The following TICRR variants were observed in gnomAD, a reference collection of about 807,000 sequenced individuals.
The protein encoded by TICRR is TOPBP1 interacting checkpoint and replication regulator, also known as treslin.
TICRR carries 132 observed loss-of-function variants against 178.1 expected under a neutral mutation model. The ratio of observed to expected loss-of-function variants is 0.74; its 90% CI spans 0.64 to 0.86. The LOEUF is 0.86. TICRR is among the 40% of genes least tolerant of loss of function. The pLI, the probability that TICRR is intolerant of heterozygous loss-of-function variation, is 0.00. For synonymous variants in TICRR, 991 were observed against 900.7 expected, an observed-to-expected ratio of 1.10 and a Z score of -1.79; for missense variants, 2,587 against 2,334.3, an observed-to-expected ratio of 1.11 and a Z score of -2.23.
At chr15:89,594,172 A>G (rs1962958074) in intron 5 of TICRR, among the ~76,000 whole-genome samples, 2 of 152,224 alleles carry the variant, frequency 1.3e-5, no homozygotes, top group Admixed American at 1.3e-4. Context: ...TATTAATAAA[A>G]GTCAATATTA....
Position 89,621,460 on chromosome 15 carries a change from T to G in TICRR, c.3222T>G (p.Ser1074=). 6.2e-7 allele frequency: 1 copy of G among 1,614,136 alleles called. No homozygotes were observed. Among genetic ancestry groups the G allele is most frequent in the Non-Finnish European group, 8.5e-7 (1 of 1,179,990 alleles). Residue 1074 remains serine, a synonymous_variant, in exon 19 of 22, where the codon TCT becomes TCG. Transcript: ENST00000268138. ...AGAGTCTTCTTTTTGGGGCAATGTC[T>G]GAGATGATCAGCCCCTCAGAAAAGG... ...SPKSLLFGAM[S]EMISPSEKGS... is the part of the protein sequence containing the mutation.
rs201761582 is a variant in TICRR at position 89,621,495 on chromosome 15, G to T, written c.3257G>T (p.Arg1086Leu). The change falls in exon 19 of 22, where the codon CGA (arginine) becomes CTA (leucine). Residue 1086 changes from arginine (R) to leucine (L), a missense_variant. Physicochemically the swap from Arg to Leu is moderately radical, Grantham distance 102 (BLOSUM62 -2). Coordinates refer to ENST00000268138, the MANE Select transcript of TICRR (RefSeq NM_152259.4). ...MISPSEKGSA[R>L]MKKRSRNTLD... ...AGCCCCTCAGAAAAGGGTTCAGCTC[G>T]AATGAAAAAGCGTTCAAGAAACACT... 1 of 1,613,956 alleles carries T rather than the reference G, an allele frequency of 6.2e-7. No homozygotes were observed. The highest frequency in any genetic ancestry group is 8.5e-7 in the Non-Finnish European group (1 of 1,179,950).
At chr15:89,618,913 C>G (rs545582036) in intron 17 of TICRR, among the ~76,000 whole-genome samples, 3 of 152,158 alleles carry the variant, frequency 2.0e-5, no homozygotes, top group African/African-American at 7.2e-5. Context: ...GAGCTATGAT[C>G]GTGCCTCTGC....
intron 13 of TICRR, among the ~76,000 whole-genome samples, chr15:89,605,459 C>T (rs1217961103): frequency 2.0e-5 from 3 of 152,180 alleles, no homozygotes; most frequent in Non-Finnish European, 4.4e-5. Flanking sequence ...AGCTCCACCT[C>T]CCGGGTTCAC....
chr15:89,623,856 A>G lies in TICRR; in HGVS notation c.3546A>G (p.Ala1182=). Residue 1182 remains alanine, a synonymous_variant, in exon 20 of 22, where the codon GCA becomes GCG. Transcript: ENST00000268138. The part of the protein sequence containing the change: ...KITPQKRHTQ[A]GEGTSLETKT... ...CTCCTCAAAAACGACATACCCAGGC[A>G]GGAGAAGGTACCTCTCTTGAAACGA... is the stretch of plus-strand genomic sequence containing the variant. The G allele has an allele frequency of 6.2e-7, 1 of 1,614,020 alleles. No homozygotes were observed. The highest frequency in any genetic ancestry group is 8.5e-7 in the Non-Finnish European group (1 of 1,180,026).
chr15:89,595,311 C>T lies in TICRR; in HGVS notation c.1682-82C>T. 4.2e-6 allele frequency: 4 copies of T among 963,352 alleles called. No homozygotes were observed. The South Asian group carries it at 4.5e-5, about 11-fold the overall frequency. 59.7% of individuals were successfully genotyped at this position (963,352 alleles called of 1,614,324 possible). On this transcript the variant is annotated intron_variant, in intron 6 of 21. Coordinates refer to ENST00000268138, the MANE Select transcript of TICRR (RefSeq NM_152259.4). ...TATGCTTCATTTTGATATTCTTTCACAGTAATCTGAATTAAAGTAGTTCTT... is the reference window on the plus strand; with the variant it reads ...TATGCTTCATTTTGATATTCTTTCATAGTAATCTGAATTAAAGTAGTTCTT...
At position 89,624,622 on chromosome 15, in the gene TICRR, C is replaced by T. The variant is rs771672238; in HGVS notation, c.4312C>T (p.Arg1438Trp). ...CTCTCCTCAGTCTCCTCCTGAAAGA[C>T]GGGGCTACCCAGGCCCTGGTCTCAG... ...SLSPQSPPER[R>W]GYPGPGLRSD... The change falls in exon 20 of 22, where the codon CGG (arginine) becomes TGG (tryptophan). Residue 1438 changes from arginine to tryptophan, a missense_variant. Arg to Trp is a moderately radical substitution (Grantham distance 101). Transcript: ENST00000268138. 2.1e-5 allele frequency: 34 copies of T among 1,613,888 alleles called. No individual in the cohort carries two copies. Among genetic ancestry groups the T allele is most frequent in the African/African-American group, 4.0e-5 (3 of 74,928 alleles).
Position 89,624,275 on chromosome 15 carries a change from A to G in TICRR, c.3965A>G (p.Lys1322Arg), listed in dbSNP as rs559486405. ...FTSPLCDVSK[K>R]SPFRKSKIEC... ...TCTCCTTTATGTGATGTCTCCAAGA[A>G]GAGTCCATTTAGGAAATCTAAAATA... The change falls in exon 20 of 22, where the codon AAG becomes AGG. Residue 1322 changes from lysine (K) to arginine (R), a missense_variant. Coordinates refer to ENST00000268138, the MANE Select transcript of TICRR (RefSeq NM_152259.4). 2.5e-6 allele frequency: 4 copies of G among 1,614,198 alleles called. No homozygotes were observed. Among genetic ancestry groups the G allele is most frequent in the South Asian group, 1.1e-5 (1 of 91,076 alleles).
At chr15:89,581,187 G>A (rs756814034) in intron 1 of TICRR, among the ~76,000 whole-genome samples, 1 of 151,898 alleles carries the variant, frequency 6.6e-6, no homozygotes, top group African/African-American at 2.4e-5. Flanking sequence ...GTTGACTTTC[G>A]AGACCCTTCT....
At chr15:89,592,960 C>T (rs967541977) in intron 5 of TICRR, among the ~76,000 whole-genome samples, 3 of 152,190 alleles carry the variant, frequency 2.0e-5, no homozygotes, top group African/African-American at 7.2e-5. Context: ...AGTCCAGAAA[C>T]TATGTTAATA....
rs564641747 is a variant in TICRR at position 89,584,317 on chromosome 15, C to T, written c.966C>T (p.Val322=). The stretch of plus-strand genomic sequence containing the variant: ...AAGAGATTCAAGAAACATGGACAGT[C>T]ACCCTAGAGCCCTTGGCCATGCATC... The part of the protein sequence containing the change: ...AGKEIQETWT[V]TLEPLAMHQR... The change falls in exon 3 of 22, where the codon GTC becomes GTT. Residue 322 remains valine (V), a synonymous_variant. Coordinates refer to ENST00000268138, the MANE Select transcript of TICRR (RefSeq NM_152259.4). 2.1e-5 allele frequency: 34 copies of T among 1,610,366 alleles called. No individual in the cohort carries two copies. The East Asian group carries it at 6.0e-4, about 29-fold the overall frequency.
In TICRR at chr15:89,582,844, T is replaced by C; in HGVS notation, c.813T>C (p.His271=). 4.3e-6 allele frequency: 7 copies of C among 1,614,200 alleles called. No homozygotes were observed. Among genetic ancestry groups the C allele is most frequent in the Non-Finnish European group, 5.9e-6 (7 of 1,180,032 alleles). Residue 271 remains histidine (H), a synonymous_variant, in exon 2 of 22, where the codon CAT becomes CAC. Coordinates refer to ENST00000268138, the MANE Select transcript of TICRR (RefSeq NM_152259.4). ...GAATAAAGCTGTCAAGTGAACCTCA[T>C]CTTTCTCCGTGGATTTCAATGCTGC... is the stretch of plus-strand genomic sequence containing the variant. The part of the protein sequence containing the change: ...RSGIKLSSEP[H]LSPWISMLPT...
Position 89,627,991 on chromosome 15 carries a change from T to A in TICRR, c.*905T>A, listed in dbSNP as rs1325729523. ...CTTCCCATTTGTCCCTTCAAAGATT[T>A]TTTTTTATTAAATGGTTTTTTAAGA... On this transcript the variant is annotated 3_prime_UTR_variant, in exon 22 of 22. Transcript: ENST00000268138. 1 of 158,470 alleles carries A rather than the reference T, an allele frequency of 6.3e-6. No individual in the cohort carries two copies. The highest frequency in any genetic ancestry group is 1.4e-5 in the Non-Finnish European group (1 of 72,618). The allele number at this position is 158,470 out of a possible 1,614,324, so 9.8% of individuals were successfully genotyped here. A position where few individuals can be genotyped will look rare whatever the true frequency, so the allele number is the denominator to read the frequency against.
At chr15:89,626,746 T>G (rs1420895091) in intron 21 of TICRR, among the ~76,000 whole-genome samples, 1 of 152,204 alleles carries the variant, frequency 6.6e-6, no homozygotes, top group Non-Finnish European at 1.5e-5. Context: ...TTTTCAGAGC[T>G]GCTTCTTGCT....
In TICRR at chr15:89,576,249, G is replaced by C. The variant is rs753348868; in HGVS notation, c.654+9G>C. ...CCACCGAATGGTCTAAGGTAAGGAAGGTTACTGTCGTCTCAGATGGCGTGC... is the reference window on the plus strand; with the variant it reads ...CCACCGAATGGTCTAAGGTAAGGAACGTTACTGTCGTCTCAGATGGCGTGC... On this transcript the variant is annotated intron_variant, in intron 1 of 21. Transcript: ENST00000268138. The C allele has an allele frequency of 1.3e-6, 2 of 1,533,886 alleles. No homozygotes were observed. The highest frequency in any genetic ancestry group is 4.5e-5 in the East Asian group (2 of 44,080).
chr15:89,625,397 C>T lies in TICRR; in HGVS notation c.5087C>T (p.Ala1696Val), dbSNP rs572113617. The T allele has an allele frequency of 8.3e-4, 1,343 of 1,613,964 alleles. 19 individuals carry two copies. The South Asian group carries it at 0.014, about 16-fold the overall frequency. ...PRRKRAVGCG[A>V]GSSSGRGEVG... is the part of the protein sequence containing the mutation. ...AGGAAGAGGGCGGTGGGCTGTGGCGCCGGCTCCTCTTCCGGGAGGGGCGAG... is the reference window on the plus strand; with the variant it reads ...AGGAAGAGGGCGGTGGGCTGTGGCGTCGGCTCCTCTTCCGGGAGGGGCGAG... Residue 1696 changes from alanine to valine, a missense_variant, in exon 20 of 22, where the codon GCC (alanine) becomes GTC (valine). Physicochemically the swap from Ala to Val is moderately conservative, Grantham distance 64. Transcript: ENST00000268138.
At chr15:89,606,546 C>T (rs1254938721) in intron 13 of TICRR, among the ~76,000 whole-genome samples, 1 of 152,132 alleles carries the variant, frequency 6.6e-6, no homozygotes, top group Non-Finnish European at 1.5e-5. Context: ...ATTTATTTAA[C>T]TGTTTCACTC....
At chr15:89,586,212 TTCTG>T (rs1962820603) in intron 4 of TICRR, among the ~76,000 whole-genome samples, 1 of 152,202 alleles carries the variant, frequency 6.6e-6, no homozygotes, top group Non-Finnish European at 1.5e-5. Flanking sequence ...ACTGTAGTGA[TTCTG>T]TCTACCCTGC....
chr15:89,626,696 G>A (rs1963534418), intron 21 of TICRR, among the ~76,000 whole-genome samples: 1 of 152,132 alleles, frequency 6.6e-6, no homozygotes, highest in East Asian at 1.9e-4. Flanking sequence ...AAGAATACAG[G>A]ATATTAACCT....
Sources: gnomAD v4.1 joint callset for allele counts (sites outside exome capture counted in the v4.1 genomes callset) on GRCh38, gnomAD v4.1.1 for gene constraint, MANE v1.5 for transcripts, NCBI Gene and HGNC (gene_info 2026-07-23, HGNC 2026-07-21) for gene names.